Variants in DAB2IP observed in about 807,000 individuals in gnomAD.
DAB2IP encodes the protein disabled homolog 2-interacting protein.
DAB2IP carries 28 observed loss-of-function variants against 107.2 expected under a neutral mutation model. The observed-to-expected ratio is 0.26, with a 90% CI of 0.19 to 0.36. The LOEUF is 0.36. Among genes scored for constraint, DAB2IP ranks in the 10% least tolerant of loss-of-function variants. DAB2IP has a pLI of 1.00. For missense variants in DAB2IP, 1,400 were observed against 1,644.7 expected (o/e 0.85, Z 2.57); for synonymous variants, 755 against 706.4 (o/e 1.07, Z -1.09).
upstream of DAB2IP, among the ~76,000 whole-genome samples, chr9:121,647,299 C>G (rs760480573): frequency 6.6e-6 from 1 of 152,210 alleles, no homozygotes; most frequent in Non-Finnish European, 1.5e-5. Flanking sequence ...AATGGGTGAT[C>G]TGTCTTAAGA....
At chr9:121,568,271 GA>G (rs1224412829) in intron 1 of DAB2IP, among the ~76,000 whole-genome samples, 1 of 152,190 alleles carries the variant, frequency 6.6e-6, no homozygotes, top group Non-Finnish European at 1.5e-5. Flanking sequence ...TTTCCAAGGA[GA>G]GGGGCCCTTT....
In DAB2IP at chr9:121,782,615, G is replaced by A. The variant is rs1228989020; in HGVS notation, c.*117G>A. 13 of 1,513,524 alleles carry A rather than the reference G, an allele frequency of 8.6e-6. No homozygotes were observed. Among genetic ancestry groups the A allele is most frequent in the Middle Eastern group, 1.8e-4 (1 of 5,444 alleles). 93.8% of individuals were successfully genotyped at this position (1,513,524 alleles called of 1,614,324 possible). On this transcript the variant is annotated 3_prime_UTR_variant, in exon 16 of 16. Coordinates refer to ENST00000408936, the Ensembl canonical transcript of DAB2IP. The surrounding 1 kb of genome is among the most constrained non-coding windows in gnomAD (Gnocchi z 6.1). ...GCCCCAGCGCGGGTGTCAGGAGGCC[G>A]AGCCTCCCCTCCCTGCCGCTGTCCA...
chr9:121,664,275 T>G (rs1382769972), intron 1 of DAB2IP, among the ~76,000 whole-genome samples: 2 of 152,238 alleles, frequency 1.3e-5, no homozygotes, highest in South Asian at 4.1e-4. Context: ...CTACACTGTT[T>G]TGTAAATTAG....
chr9:121,631,699 C>T (rs1474616246), intron 1 of DAB2IP, among the ~76,000 whole-genome samples: 1 of 151,724 alleles, frequency 6.6e-6, no homozygotes, highest in East Asian at 1.9e-4. Context: ...GCCTGTAGCC[C>T]CAGCTACTTG....
At chr9:121,666,146 T>C (rs1833411014) in intron 1 of DAB2IP, among the ~76,000 whole-genome samples, 1 of 152,214 alleles carries the variant, frequency 6.6e-6, no homozygotes, top group African/African-American at 2.4e-5. Flanking sequence ...GTTGCCTGGT[T>C]CCTTGTCTCA....
At chr9:121,641,947 TTCCTTTCTTTCTTTC>T (rs1564128378) in intron 1 of DAB2IP, among the ~76,000 whole-genome samples, 13 of 125,188 alleles carry the variant, frequency 1.0e-4, no homozygotes, top group African/African-American at 3.1e-4. Context: ...CTCTCTTTCT[TTCCTTTCTTTCTTTC>T]TCTCTCTCTC....
At position 121,772,281 on chromosome 9, in the gene DAB2IP, T is replaced by A. The variant is rs1834818019; in HGVS notation, c.2079-326T>A. Among the ~76,000 whole-genome samples, 1 of 152,152 alleles carries A rather than the reference T, an allele frequency of 6.6e-6. No homozygotes were observed. Among genetic ancestry groups the A allele is most frequent in the African/African-American group, 2.4e-5 (1 of 41,426 alleles). ...ACTGAGTTGTGGCTTAGGGCTTAGC[T>A]AAGGAGGAGTTTTCCAGAGCAAGCC... On this transcript the variant is annotated intron_variant, in intron 11 of 15. Transcript: ENST00000408936. The surrounding 1 kb of genome is among the most constrained non-coding windows in gnomAD (Gnocchi z 4.7).
chr9:121,766,394 C>G, intron 8 of DAB2IP, 100 bp from the exon 9 acceptor site: 1 of 1,101,710 alleles, frequency 9.1e-7, no homozygotes, highest in Non-Finnish European at 1.3e-6. Flanking sequence ...ACGCAGCTGG[C>G]GGGGTAGAGC....
chr9:121,644,032 G>C (rs531914773), intron 1 of DAB2IP, among the ~76,000 whole-genome samples: 9 of 152,180 alleles, frequency 5.9e-5, no homozygotes, highest in Non-Finnish European at 1.3e-4. Context: ...AGCCAGGCAT[G>C]GTGGCACACA....
intron 1 of DAB2IP, among the ~76,000 whole-genome samples, chr9:121,665,794 T>C (rs991298637): frequency 6.6e-6 from 1 of 152,220 alleles, no homozygotes; most frequent in Non-Finnish European, 1.5e-5. Context: ...CTCTTCTCTT[T>C]TATTAAGCCA....
chr9:121,761,669 C>T lies in DAB2IP; in HGVS notation c.1170+1230C>T, dbSNP rs80010348. 5.8e-3 allele frequency among the ~76,000 whole-genome samples: 888 copies of T among 152,204 alleles called. 11 individuals are homozygous for T. The highest frequency in any genetic ancestry group is 0.02 in the African/African-American group (848 of 41,534). ...GGACCCGCGATGGGGAGCAGTTTTC[C>T]TCTGTAGTGCTCAGCTACCTCCTCC... On this transcript the variant is annotated intron_variant, in intron 6 of 15. Coordinates refer to ENST00000408936, the Ensembl canonical transcript of DAB2IP.
intron 3 of DAB2IP, among the ~76,000 whole-genome samples, chr9:121,719,689 T>C (rs912217856): frequency 2.6e-5 from 4 of 152,318 alleles, no homozygotes; most frequent in East Asian, 3.9e-4. Context: ...TTGTGCCAGG[T>C]GCTTCATCTC....
At chr9:121,601,682 T>G (rs1830687179) in intron 1 of DAB2IP, among the ~76,000 whole-genome samples, 1 of 152,204 alleles carries the variant, frequency 6.6e-6, no homozygotes, top group Admixed American at 6.5e-5. Flanking sequence ...CATATTATTT[T>G]CTTGCACCCA....
intron 1 of DAB2IP, among the ~76,000 whole-genome samples, chr9:121,584,586 T>G (rs1443628771): frequency 1.3e-5 from 2 of 152,170 alleles, no homozygotes; most frequent in African/African-American, 4.8e-5. Flanking sequence ...TGGCCCCTCC[T>G]GCTGGACCAC....
chr9:121,762,699 A>C (rs1213648067), intron 6 of DAB2IP, among the ~76,000 whole-genome samples: 1 of 152,078 alleles, frequency 6.6e-6, no homozygotes, highest in African/African-American at 2.4e-5. Context: ...CCTCCCTTGA[A>C]ACTATGACAG....
intron 1 of DAB2IP, among the ~76,000 whole-genome samples, chr9:121,576,519 G>A (rs775660441): frequency 2.4e-4 from 36 of 151,238 alleles, no homozygotes; most frequent in Non-Finnish European, 4.6e-4. Flanking sequence ...TGTTTGGGCT[G>A]CCTAGGCTCC....
rs565847305 is a variant in DAB2IP at position 121,585,656 on chromosome 9, G to A, written c.40+18428G>A. Among the ~76,000 whole-genome samples, 97 of 152,184 alleles carry A rather than the reference G, an allele frequency of 6.4e-4. 1 individual carries two copies. In the South Asian group the frequency reaches 0.02, roughly 31 times the overall value. ...CAGATCGCTTTGAGCTCAGGAGTTC[G>A]AGACCAGCCAGGGCAGCAAGATCCC... On this transcript the variant is annotated intron_variant, in intron 1 of 16. Coordinates refer to the DAB2IP transcript ENST00000259371.
chr9:121,679,677 TTCTGG>T (rs1393177832), intron 2 of DAB2IP, among the ~76,000 whole-genome samples: 2 of 151,888 alleles, frequency 1.3e-5, no homozygotes, highest in Non-Finnish European at 1.5e-5. Context: ...GGAAAGAAGG[TTCTGG>T]GTGGCAGGAA....
At chr9:121,732,085 G>A (rs144379053) in intron 3 of DAB2IP, among the ~76,000 whole-genome samples, 15 of 152,200 alleles carry the variant, frequency 9.9e-5, no homozygotes, top group African/African-American at 2.2e-4. Flanking sequence ...TGATCCCGGC[G>A]TCTTGTACAA....
Sources: gnomAD v4.1 joint callset for allele counts (sites outside exome capture counted in the v4.1 genomes callset) on GRCh38, gnomAD v4.1.1 for gene constraint, Gnocchi (gnomAD v3.1) non-coding constraint, MANE v1.5 for transcripts, NCBI Gene and HGNC (gene_info 2026-07-23, HGNC 2026-07-21) for gene names.